DMD: variants seen among roughly 807,000 people sequenced by gnomAD.
The protein encoded by DMD is mutant dystrophin.
In DMD, 63 loss-of-function variants were observed where a neutral mutation model predicts 330.1. The ratio of observed to expected loss-of-function variants is 0.19; its 90% CI spans 0.16 to 0.24. DMD has a LOEUF of 0.24. Ranked by LOEUF, DMD falls within the 10% of genes least tolerant of loss-of-function variation. DMD has a pLI of 1.00. For missense variants in DMD, 3,344 were observed against 2,684.1 expected (o/e 1.25, Z -5.43); for synonymous variants, 1,223 against 959.8 (o/e 1.27, Z -5.07).
At chrX:31,866,695 C>T (rs1284755956) in intron 48 of DMD, among the ~76,000 whole-genome samples, 1 of 112,029 alleles carries the variant, frequency 8.9e-6, no homozygotes, top group Admixed American at 9.5e-5. Flanking sequence ...GTAAATAAAA[C>T]TTCCAGAAAC....
chrX:33,291,893 T>C (rs182591254), intron 1 of DMD, among the ~76,000 whole-genome samples: 40 of 112,102 alleles, frequency 3.6e-4, no homozygotes, highest in African/African-American at 1.3e-3. Flanking sequence ...TGACCACACT[T>C]GTATTAGGGA....
chrX:31,281,840 T>C (rs16998165), intron 62 of DMD, among the ~76,000 whole-genome samples: 1,273 of 112,250 alleles, frequency 0.011, 25 homozygotes, highest in African/African-American at 0.038. Flanking sequence ...AGTAACATTT[T>C]GGTCAGATTT....
At chrX:32,509,406 A>T (rs2045038646) in intron 18 of DMD, among the ~76,000 whole-genome samples, 1 of 111,287 alleles carries the variant, frequency 9.0e-6, no homozygotes, top group Non-Finnish European at 1.9e-5. Context: ...CCAAAAACAA[A>T]GTCTAAAGAG....
intron 63 of DMD, among the ~76,000 whole-genome samples, chrX:31,260,634 T>G (rs1372962420): frequency 8.2e-5 from 9 of 109,890 alleles, no homozygotes; most frequent in Non-Finnish European, 1.7e-4. Flanking sequence ...TTTTCTATCT[T>G]CGTGGGAAGA....
chrX:31,477,804 C>T (rs1049144388), intron 59 of DMD, among the ~76,000 whole-genome samples: 7 of 107,447 alleles, frequency 6.5e-5, no homozygotes, highest in African/African-American at 2.4e-4. Flanking sequence ...AATACACACA[C>T]ACACACACAC....
At chrX:32,733,339 C>T (rs1213818927) in intron 7 of DMD, among the ~76,000 whole-genome samples, 1 of 109,797 alleles carries the variant, frequency 9.1e-6, no homozygotes, top group Non-Finnish European at 1.9e-5. Flanking sequence ...CCACTGTCAA[C>T]ATTAGACAGA....
chrX:32,710,461 C>G (rs1270475948), intron 7 of DMD, among the ~76,000 whole-genome samples: 1 of 110,874 alleles, frequency 9.0e-6, no homozygotes, highest in African/African-American at 3.3e-5. Context: ...GGGAAAGAAG[C>G]ATTAATTTCC....
intron 2 of DMD, among the ~76,000 whole-genome samples, chrX:32,935,735 A>G (rs1235495651): frequency 3.6e-5 from 4 of 111,165 alleles, no homozygotes; most frequent in Non-Finnish European, 3.8e-5. Context: ...AATGCAAGGA[A>G]AAAAAAACAA....
chrX:32,964,144 T>C (rs1310225108), intron 2 of DMD, among the ~76,000 whole-genome samples: 1 of 105,267 alleles, frequency 9.5e-6, no homozygotes, highest in Non-Finnish European at 1.9e-5. Context: ...TAGTCCCAGC[T>C]ATTCGGGAGG....
chrX:31,720,744 T>C (rs986770057), intron 52 of DMD, among the ~76,000 whole-genome samples: 2 of 111,792 alleles, frequency 1.8e-5, no homozygotes, highest in Non-Finnish European at 3.8e-5. Flanking sequence ...AGAAACATAA[T>C]GAAGACAAAA....
At chrX:31,987,312 C>G (rs374306076) in intron 44 of DMD, among the ~76,000 whole-genome samples, 2 of 111,691 alleles carry the variant, frequency 1.8e-5, no homozygotes, top group African/African-American at 6.5e-5. Flanking sequence ...TCAAAACCCT[C>G]TCTTCTAGCC....
chrX:33,333,694 A>G (rs1603431145), intron 1 of DMD, among the ~76,000 whole-genome samples: 1 of 111,350 alleles, frequency 9.0e-6, no homozygotes, highest in East Asian at 2.8e-4. Context: ...GAATTTGATT[A>G]TAGTTTCTCC....
intron 50 of DMD, among the ~76,000 whole-genome samples, chrX:31,786,607 T>A (rs1489171167): frequency 9.0e-6 from 1 of 111,660 alleles, no homozygotes; most frequent in Non-Finnish European, 1.9e-5. Flanking sequence ...TTCATCAAGA[T>A]CCTCTTCTGG....
intron 7 of DMD, among the ~76,000 whole-genome samples, chrX:32,808,443 A>T (rs1485326555): frequency 9.1e-6 from 1 of 110,439 alleles, no homozygotes; most frequent in Non-Finnish European, 1.9e-5. Context: ...TCACTTTTTA[A>T]ACTTAAAGTT....
intron 34 of DMD, among the ~76,000 whole-genome samples, chrX:32,367,130 G>C (rs2147282607): frequency 8.9e-6 from 1 of 111,946 alleles, no homozygotes; most frequent in Admixed American, 9.5e-5. Context: ...CATTTGGGTA[G>C]ATACAGACCC....
At chrX:33,004,259 ATG>A (rs1298743291) in intron 2 of DMD, among the ~76,000 whole-genome samples, 5 of 112,012 alleles carry the variant, frequency 4.5e-5, no homozygotes, top group Non-Finnish European at 9.4e-5. Context: ...ACAACTCAAG[ATG>A]TTAGCAAATT....
chrX:31,428,920 G>A (rs910939215), intron 60 of DMD, among the ~76,000 whole-genome samples: 11 of 111,089 alleles, frequency 9.9e-5, no homozygotes, highest in African/African-American at 3.6e-4. Flanking sequence ...AGGAGTTCGA[G>A]ACCAGCCTGG....
At chrX:32,122,698 A>G (rs950510504) in intron 44 of DMD, among the ~76,000 whole-genome samples, 16 of 111,201 alleles carry the variant, frequency 1.4e-4, no homozygotes, top group Non-Finnish European at 3.0e-4. Context: ...TCCTCTCTAA[A>G]TGTTTCTGAA....
chrX:32,215,247 G>T (rs2097108121), intron 44 of DMD, among the ~76,000 whole-genome samples: 2 of 111,183 alleles, frequency 1.8e-5, no homozygotes, highest in African/African-American at 6.5e-5. Flanking sequence ...GCACTTTAAG[G>T]AGCCTAATAA....
Sources: allele counts gnomAD v4.1 joint callset (sites outside exome capture counted in the v4.1 genomes callset), GRCh38; gene constraint gnomAD v4.1.1; transcripts MANE v1.5; gene names NCBI Gene and HGNC (gene_info 2026-07-23, HGNC 2026-07-21).